The following HOOK1 variants were observed in gnomAD, a reference collection of about 807,000 sequenced individuals.
HOOK1 encodes the protein hook microtubule tethering protein 1, also known as protein Hook homolog 1.
HOOK1 carries 60 observed loss-of-function variants against 112.8 expected under a neutral mutation model. That is an observed-to-expected ratio of 0.53 (90% CI 0.43 to 0.66). HOOK1 has a LOEUF of 0.66. Ranked by LOEUF, HOOK1 falls within the 30% of genes least tolerant of loss-of-function variation. The probability of loss-of-function intolerance (pLI) is 0.00; values close to 1 mark genes in which losing one functional copy is unlikely to be tolerated. For synonymous variants in HOOK1, 294 were observed against 283.8 expected, an observed-to-expected ratio of 1.04 and a Z score of -0.36; for missense variants, 770 against 856.0, an observed-to-expected ratio of 0.90 and a Z score of 1.25.
At chr1:59,839,858 C>T (rs966589708) in intron 7 of HOOK1, among the ~76,000 whole-genome samples, 11 of 152,054 alleles carry the variant, frequency 7.2e-5, no homozygotes, top group African/African-American at 1.7e-4. Flanking sequence ...TGTTTAGATA[C>T]GTTCCATTGA....
At chr1:59,820,141 A>T (rs2098384524) in intron 1 of HOOK1, among the ~76,000 whole-genome samples, 1 of 152,184 alleles carries the variant, frequency 6.6e-6, no homozygotes. Flanking sequence ...TTTAAGAATC[A>T]GTTGGAGATT....
At position 59,860,196 on chromosome 1, in the gene HOOK1, T is replaced by G. The variant is rs756033243; in HGVS notation, c.1400T>G (p.Phe467Cys). The change falls in exon 15 of 22, where the codon TTT (phenylalanine) becomes TGT (cysteine). Residue 467 changes from phenylalanine to cysteine, a missense_variant. Phe to Cys is a radical substitution (Grantham distance 205, BLOSUM62 -2). Around this residue, in one of 3 missense-constraint regions of HOOK1, gnomAD observed 655 missense variants for 725.9 expected, o/e 0.90. Transcript: ENST00000371208. ...TTGCTTTGTAACATCAGGGAGGTGT[T>G]TATTCGACTGCAACATGAAAATAAG... ...EIMPVEYREVFIRLQHENKML... is the reference protein window; with the variant it reads ...EIMPVEYREVCIRLQHENKML... 1.2e-6 allele frequency: 2 copies of G among 1,601,260 alleles called. No individual in the cohort carries two copies. The highest frequency in any genetic ancestry group is 2.2e-5 in the East Asian group (1 of 44,564).
At chr1:59,846,711 T>A (rs1405245733) in intron 9 of HOOK1, among the ~76,000 whole-genome samples, 1 of 151,228 alleles carries the variant, frequency 6.6e-6, no homozygotes, top group African/African-American at 2.4e-5. Flanking sequence ...GTCTTTTTGT[T>A]ATTGTTTAGT....
intron 12 of HOOK1, among the ~76,000 whole-genome samples, 171 bp from the exon 13 acceptor site, chr1:59,858,257 A>C (rs920479928): frequency 1.1e-4 from 17 of 152,180 alleles, no homozygotes; most frequent in African/African-American, 4.1e-4. Context: ...ACCATGTATA[A>C]AGACACATAC....
At chr1:59,838,271 C>T (rs1283314218) in intron 7 of HOOK1, among the ~76,000 whole-genome samples, 1 of 152,228 alleles carries the variant, frequency 6.6e-6, no homozygotes, top group East Asian at 1.9e-4. Flanking sequence ...AATCGCCACA[C>T]TGTCTTCCAC....
At chr1:59,832,559 C>T (rs1236425072) in intron 4 of HOOK1, among the ~76,000 whole-genome samples, 4 of 151,840 alleles carry the variant, frequency 2.6e-5, no homozygotes, top group South Asian at 2.1e-4. Flanking sequence ...TTCTTCCCAG[C>T]GTAAACAGTA....
At chr1:59,848,959 A>T in intron 11 of HOOK1, 114 bp from the exon 12 acceptor site, 1 of 507,074 alleles carries the variant, frequency 2.0e-6, no homozygotes, top group Non-Finnish European at 3.5e-6. Context: ...CTGCAATTTT[A>T]GTGTAGATAT....
chr1:59,867,176 G>A (rs1643980453), intron 19 of HOOK1, among the ~76,000 whole-genome samples: 1 of 152,152 alleles, frequency 6.6e-6, no homozygotes, highest in Non-Finnish European at 1.5e-5. Flanking sequence ...ACTGGCTAAA[G>A]TAATAACATG....
chr1:59,844,506 C>T (rs531280021), intron 9 of HOOK1, among the ~76,000 whole-genome samples: 1 of 151,982 alleles, frequency 6.6e-6, no homozygotes, highest in East Asian at 1.9e-4. Context: ...TAGAGTATGA[C>T]TCTTGAGATC....
At chr1:59,858,625 G>A (rs2098411920) in intron 13 of HOOK1, 110 bp downstream of exon 13, 1 of 727,136 alleles carries the variant, frequency 1.4e-6, no homozygotes, top group African/African-American at 1.8e-5. Flanking sequence ...TATAGTCCTA[G>A]CTCTGGGAGG....
At chr1:59,826,064 A>G (rs1006845574) in intron 2 of HOOK1, among the ~76,000 whole-genome samples, 1 of 152,206 alleles carries the variant, frequency 6.6e-6, no homozygotes, top group Non-Finnish European at 1.5e-5. Flanking sequence ...ACACAACTAT[A>G]TTGTTTATAG....
At chr1:59,820,816 C>A (rs1055635450) in intron 1 of HOOK1, among the ~76,000 whole-genome samples, 1 of 152,154 alleles carries the variant, frequency 6.6e-6, no homozygotes, top group Non-Finnish European at 1.5e-5. Context: ...TCCTTTGTAG[C>A]CCCATCATGT....
intron 16 of HOOK1, among the ~76,000 whole-genome samples, chr1:59,863,274 A>C (rs923296146): frequency 1.2e-4 from 19 of 152,212 alleles, no homozygotes; most frequent in Non-Finnish European, 2.6e-4. Flanking sequence ...ATTAGCAGTC[A>C]GAATTGAGGA....
At chr1:59,833,656 CAGA>C in intron 5 of HOOK1, 119 bp downstream of exon 5, 2 of 812,466 alleles carry the variant, frequency 2.5e-6, no homozygotes, top group Admixed American at 3.1e-5. Flanking sequence ...AAACGTAAAC[CAGA>C]AGATCTGAAT....
intron 12 of HOOK1, among the ~76,000 whole-genome samples, chr1:59,852,952 T>G (rs2098408017): frequency 6.6e-6 from 1 of 151,976 alleles, no homozygotes; most frequent in Non-Finnish European, 1.5e-5. Flanking sequence ...TCTCCTTGTG[T>G]CATTGATTTA....
rs932450724 is a variant in HOOK1 at position 59,815,104 on chromosome 1, C to T, written c.-14C>T. 1.9e-6 allele frequency: 3 copies of T among 1,539,200 alleles called. No individual in the cohort carries two copies. Among genetic ancestry groups the T allele is most frequent in the Non-Finnish European group, 2.6e-6 (3 of 1,146,246 alleles). On this transcript the variant is annotated 5_prime_UTR_variant, in exon 1 of 22. The change creates a new upstream start codon in the 5' untranslated region. Coordinates refer to ENST00000371208, the MANE Select transcript of HOOK1 (RefSeq NM_015888.6). ...GTGAAGGTGTCCGCGGCGTCGTCGA[C>T]GGCGGCGCCGGCCATGGAGGAGACG...
chr1:59,852,869 T>C (rs1468293573), intron 12 of HOOK1, among the ~76,000 whole-genome samples: 1 of 151,914 alleles, frequency 6.6e-6, no homozygotes, highest in Non-Finnish European at 1.5e-5. Flanking sequence ...TTTTCCCTTA[T>C]GATTTCTTCT....
In HOOK1 at chr1:59,873,511, C is replaced by T. The variant is rs1176234872; in HGVS notation, c.*546C>T. The T allele has an allele frequency of 6.6e-6, 1 of 151,540 alleles. No individual in the cohort carries two copies. The highest frequency in any genetic ancestry group is 2.4e-5 in the African/African-American group (1 of 41,278). The allele number at this position is 151,540 out of a possible 1,614,324, so 9.4% of individuals were successfully genotyped here. ...AATGTGTACCTCTACCTTGTCATGT[C>T]ATGGAAGATACAACATTTGGAAGAT... On this transcript the variant is annotated 3_prime_UTR_variant, in exon 22 of 22. Transcript: ENST00000371208.
At chr1:59,836,996 A>G (rs1286910242) in intron 7 of HOOK1, 61 bp downstream of exon 7, 1 of 1,049,046 alleles carries the variant, frequency 9.5e-7, no homozygotes, top group Non-Finnish European at 1.5e-6. Flanking sequence ...TTTGCCAATT[A>G]CTCTCATAAG....
Sources: gnomAD v4.1 joint callset for allele counts (sites outside exome capture counted in the v4.1 genomes callset) on GRCh38, gnomAD v4.1.1 for gene constraint, gnomAD v4.1.1 regional missense constraint, MANE v1.5 for transcripts, NCBI Gene and HGNC (gene_info 2026-07-23, HGNC 2026-07-21) for gene names.